Variants in CRY1 observed in about 807,000 individuals in gnomAD.
CRY1 encodes the protein cryptochrome circadian regulator 1.
In CRY1, 45 loss-of-function variants were observed where a neutral mutation model predicts 76.0. The ratio of observed to expected loss-of-function variants is 0.59; its 90% CI spans 0.47 to 0.76. The LOEUF is 0.76. Among genes scored for constraint, CRY1 ranks in the 30% least tolerant of loss-of-function variants. CRY1 has a pLI of 0.00. For missense variants in CRY1, 587 were observed against 716.4 expected, an observed-to-expected ratio of 0.82 and a Z score of 2.06; for synonymous variants, 248 against 244.0, an observed-to-expected ratio of 1.02 and a Z score of -0.15.
At chr12:107,013,528 T>C (rs1243563728) in intron 2 of CRY1, among the ~76,000 whole-genome samples, 3 of 152,262 alleles carry the variant, frequency 2.0e-5, no homozygotes, top group African/African-American at 7.2e-5. Flanking sequence ...TTTATTGCAA[T>C]ATTTACTTTA....
intron 2 of CRY1, among the ~76,000 whole-genome samples, chr12:107,011,235 A>G (rs1365004333): frequency 6.6e-6 from 1 of 152,208 alleles, no homozygotes; most frequent in Non-Finnish European, 1.5e-5. Flanking sequence ...CTGTAATCCC[A>G]GCTACTCGGG....
chr12:106,998,043 A>C lies in CRY1; in HGVS notation c.1161T>G (p.Asp387Glu), dbSNP rs1459066128. ...GMKVFEELLL[D>E]ADWSINAGSW... Reference sequence around the variant, plus strand: ...TTCCAGCATTTATGCTCCAATCTGCATCAAGCAATAATTCTTCAAATACCT... The same window carrying C: ...TTCCAGCATTTATGCTCCAATCTGCCTCAAGCAATAATTCTTCAAATACCT... The change falls in exon 8 of 13, where the codon GAT (aspartate) becomes GAG (glutamate). Residue 387 changes from aspartate to glutamate, a missense_variant. Coordinates refer to ENST00000008527, the MANE Select transcript of CRY1 (RefSeq NM_004075.5). 4.3e-6 allele frequency: 7 copies of C among 1,614,000 alleles called. No homozygotes were observed. The African/African-American group carries it at 9.3e-5, about 22-fold the overall frequency.
chr12:106,998,110 C>T (rs757015186), intron 7 of CRY1, 44 bp from the exon 8 acceptor site: 102 of 1,603,530 alleles, frequency 6.4e-5, no homozygotes, highest in Non-Finnish European at 6.3e-5. Flanking sequence ...ACACATAATT[C>T]GCAAAGCAAG....
chr12:107,093,033 G>A lies in CRY1; in HGVS notation c.-72C>T. 7.0e-7 allele frequency: 1 copy of A among 1,428,088 alleles called. No individual in the cohort carries two copies. The highest frequency in any genetic ancestry group is 9.2e-7 in the Non-Finnish European group (1 of 1,091,638). 88.5% of individuals were successfully genotyped at this position (1,428,088 alleles called of 1,614,324 possible). ...GCTCCGGCTCATAGCCGACACCTTCGCTTCCAAGAGAATTGCCTCACCCGG... is the reference window on the plus strand; with the variant it reads ...GCTCCGGCTCATAGCCGACACCTTCACTTCCAAGAGAATTGCCTCACCCGG... On this transcript the variant is annotated 5_prime_UTR_variant, in exon 1 of 13. Coordinates refer to ENST00000008527, the MANE Select transcript of CRY1 (RefSeq NM_004075.5).
At position 107,005,317 on chromosome 12, in the gene CRY1, T is replaced by C. The variant is rs574373839; in HGVS notation, c.268-69A>G. ...TTATTTTTTCTATTATAACGAAAAG[T>C]GAAAAAGCTGAAAATCTACATATCA... On this transcript the variant is annotated intron_variant, in intron 2 of 12. Transcript: ENST00000008527. The C allele has an allele frequency of 1.4e-5, 21 of 1,458,696 alleles. No individual in the cohort carries two copies. The South Asian group carries it at 2.6e-4, about 18-fold the overall frequency. The allele number at this position is 1,458,696 out of a possible 1,614,324, so 90.4% of individuals were successfully genotyped here.
intron 1 of CRY1, among the ~76,000 whole-genome samples, chr12:107,043,773 T>G (rs956940433): frequency 1.3e-5 from 2 of 152,110 alleles, no homozygotes; most frequent in African/African-American, 2.4e-5. Context: ...TGCCACTACA[T>G]CTGGCCTCCC....
At chr12:107,000,181 T>C (rs934890386) in intron 5 of CRY1, 99 bp from the exon 6 acceptor site, 5 of 1,229,086 alleles carry the variant, frequency 4.1e-6, no homozygotes, top group Non-Finnish European at 5.6e-6. Context: ...ACATAGTTCT[T>C]GGGGAATAAA....
rs1952629972 is a variant in CRY1 at position 107,027,523 on chromosome 12, C to T, written c.159-5331G>A. 2.6e-5 allele frequency among the ~76,000 whole-genome samples: 4 copies of T among 152,032 alleles called. 1 individual carries two copies. In the South Asian group the frequency reaches 8.3e-4, roughly 32 times the overall value. ...GTACTGCCTACATAGAAGCACAGTCCTCATATTATTTAATTACAATACTGA... is the reference window on the plus strand; with the variant it reads ...GTACTGCCTACATAGAAGCACAGTCTTCATATTATTTAATTACAATACTGA... On this transcript the variant is annotated intron_variant, in intron 1 of 12. Transcript: ENST00000008527.
At chr12:107,085,580 G>C (rs879122397) in intron 1 of CRY1, among the ~76,000 whole-genome samples, 4 of 152,028 alleles carry the variant, frequency 2.6e-5, no homozygotes, top group Admixed American at 1.3e-4. Context: ...ACCAAACATC[G>C]CATGTTCTCC....
intron 1 of CRY1, among the ~76,000 whole-genome samples, chr12:107,038,440 T>C (rs989283739): frequency 1.3e-5 from 2 of 152,062 alleles, no homozygotes; most frequent in Non-Finnish European, 2.9e-5. Context: ...TGGCAAAGGA[T>C]AGATGTATGT....
intron 1 of CRY1, among the ~76,000 whole-genome samples, chr12:107,081,382 T>C (rs948288092): frequency 1.3e-5 from 2 of 152,044 alleles, no homozygotes; most frequent in Non-Finnish European, 2.9e-5. Context: ...TAAGCCACTA[T>C]GCTGTGGAGA....
chr12:107,027,224 G>A (rs1952626595), intron 1 of CRY1, among the ~76,000 whole-genome samples: 1 of 152,108 alleles, frequency 6.6e-6, no homozygotes, highest in Non-Finnish European at 1.5e-5. Context: ...AACACACCAA[G>A]TTCAACTTTA....
At position 107,009,563 on chromosome 12, in the gene CRY1, CATATATATATATATATATAT is replaced by C. The variant is rs869185018; in HGVS notation, c.268-4335_268-4316del. Among the ~76,000 whole-genome samples, 229 of 90,964 alleles carry C rather than the reference CATATATATATATATATATAT, an allele frequency of 2.5e-3. 5 individuals carry two copies. The highest frequency in any genetic ancestry group is 1.0e-2 in the African/African-American group (195 of 19,582). The allele number at this position is 90,964 out of a possible 152,430, so 59.7% of individuals were successfully genotyped here. On this transcript the variant is annotated intron_variant, in intron 2 of 12. Transcript: ENST00000008527. ...CAGAAAAAACAAAAAAACAAAAAAA[CATATATATATATATATATAT>C]ATATATATATATATATATAAAATCT... is the stretch of plus-strand genomic sequence containing the variant.
intron 1 of CRY1, among the ~76,000 whole-genome samples, chr12:107,066,955 A>G (rs1200512134): frequency 6.6e-6 from 1 of 151,658 alleles, no homozygotes; most frequent in Non-Finnish European, 1.5e-5. Context: ...ACATGTCACC[A>G]CACCCAGCTA....
intron 2 of CRY1, among the ~76,000 whole-genome samples, chr12:107,021,749 C>CAA (rs1593507890): frequency 6.6e-6 from 1 of 151,624 alleles, no homozygotes; most frequent in South Asian, 2.1e-4. Flanking sequence ...TATACACACA[C>CAA]AAAAAATTCT....
At position 106,992,800 on chromosome 12, in the gene CRY1, T is replaced by C. The variant is rs1288131964; in HGVS notation, c.1748A>G (p.Gln583Arg). 1 of 1,613,772 alleles carries C rather than the reference T, an allele frequency of 6.2e-7. No individual in the cohort carries two copies. The highest frequency in any genetic ancestry group is 1.7e-5 in the Admixed American group (1 of 60,022). The change falls in exon 12 of 13, where the codon CAG (glutamine) becomes CGG (arginine). Residue 583 changes from glutamine to arginine, a missense_variant. Transcript: ENST00000008527. ...TQSIGPKVQR[Q>R]STN ...TAAAATATTTACCTAATTAGTGCTC[T>C]GTCTCTGGACTTTAGGACCAATACT...
intron 1 of CRY1, among the ~76,000 whole-genome samples, chr12:107,048,043 T>G (rs1339970489): frequency 6.6e-6 from 1 of 151,980 alleles, no homozygotes; most frequent in Non-Finnish European, 1.5e-5. Context: ...AAAATAACTG[T>G]TCAAAGCAAT....
At position 107,092,946 on chromosome 12, in the gene CRY1, C is replaced by T. The variant is rs766372280; in HGVS notation, c.16G>A (p.Val6Met). The T allele has an allele frequency of 1.3e-6, 2 of 1,578,968 alleles. No homozygotes were observed. The change falls in exon 1 of 13, where the codon GTG becomes ATG. Residue 6 changes from valine to methionine, a missense_variant. Physicochemically the swap from Val to Met is conservative, Grantham distance 21 (BLOSUM62 1). Transcript: ENST00000008527. MGVNA[V>M]HWFRKGLRLH... ...CGGAGCCCCTTTCGGAACCAGTGCA[C>T]GGCGTTCACCCCCATGCCGGGGGGC...
At chr12:107,065,127 C>T (rs1309870523) in intron 1 of CRY1, among the ~76,000 whole-genome samples, 4 of 151,948 alleles carry the variant, frequency 2.6e-5, no homozygotes, top group East Asian at 3.9e-4. Flanking sequence ...GAAACCCCAT[C>T]TCTACTAAAA....
Sources: gnomAD v4.1 joint callset for allele counts (sites outside exome capture counted in the v4.1 genomes callset) on GRCh38, gnomAD v4.1.1 for gene constraint, MANE v1.5 for transcripts, NCBI Gene and HGNC (gene_info 2026-07-23, HGNC 2026-07-21) for gene names.